The following GAS7 variants were observed in gnomAD, a reference collection of about 807,000 sequenced individuals.
GAS7 encodes the protein growth arrest specific 7.
A neutral mutation model predicts 71.1 loss-of-function variants in GAS7; 28 were observed. The ratio of observed to expected loss-of-function variants is 0.39; its 90% CI spans 0.29 to 0.54. GAS7 has a LOEUF of 0.54. Ranked by LOEUF, GAS7 falls within the 20% of genes least tolerant of loss-of-function variation. The probability of loss-of-function intolerance (pLI) is 0.62; values close to 1 mark genes in which losing one functional copy is unlikely to be tolerated. For synonymous variants in GAS7, 258 were observed against 245.8 expected (o/e 1.05, Z -0.46); for missense variants, 436 against 627.8 (o/e 0.69, Z 3.27).
At chr17:10,021,483 C>T (rs779858664) in intron 1 of GAS7, among the ~76,000 whole-genome samples, 19 of 152,364 alleles carry the variant, frequency 1.2e-4, no homozygotes, top group Non-Finnish European at 2.2e-4. Flanking sequence ...CTGCCCTCTG[C>T]GTAGCTGCGG....
Position 10,003,711 on chromosome 17 carries a change from G to A in GAS7, c.304+16066C>T, listed in dbSNP as rs188614590. Among the ~76,000 whole-genome samples the A allele has an allele frequency of 3.7e-4, 56 of 152,276 alleles. No individual in the cohort carries two copies. The East Asian group carries it at 8.5e-3, about 23-fold the overall frequency. On this transcript the variant is annotated intron_variant, in intron 2 of 13. Transcript: ENST00000432992. The stretch of plus-strand genomic sequence containing the variant: ...GTGCCTGCTACCTGCACAGCACGGC[G>A]CATCATCTGTCCAAGGATGACAAGA...
chr17:9,935,344 C>T (rs2068361745), intron 8 of GAS7, among the ~76,000 whole-genome samples: 1 of 152,196 alleles, frequency 6.6e-6, no homozygotes, highest in Non-Finnish European at 1.5e-5. Context: ...TCCTGAAGTC[C>T]CTAAGACTTG....
intron 1 of GAS7, among the ~76,000 whole-genome samples, chr17:10,045,025 A>G (rs1314896724): frequency 1.4e-5 from 2 of 142,762 alleles, no homozygotes; most frequent in African/African-American, 5.4e-5. Flanking sequence ...CGGGCGACAG[A>G]GCGAGACTCC....
chr17:10,166,426 C>T (rs1413560195), intron 1 of GAS7, among the ~76,000 whole-genome samples: 3 of 152,214 alleles, frequency 2.0e-5, no homozygotes, highest in Non-Finnish European at 4.4e-5. Flanking sequence ...TCAGAGTTTG[C>T]AAATACCAAG....
chr17:10,097,764 C>T (rs932305744), intron 1 of GAS7, among the ~76,000 whole-genome samples: 2 of 152,226 alleles, frequency 1.3e-5, no homozygotes, highest in South Asian at 4.2e-4. Context: ...ACACTGGGGG[C>T]CAGGCACGGT....
intron 1 of GAS7, among the ~76,000 whole-genome samples, chr17:10,140,564 C>T (rs1328999116): frequency 3.3e-5 from 5 of 152,212 alleles, no homozygotes; most frequent in East Asian, 1.9e-4. Flanking sequence ...GCTATATGCA[C>T]GTATGTCTAT....
chr17:10,185,641 A>C (rs375039919), intron 1 of GAS7, among the ~76,000 whole-genome samples: 1 of 152,208 alleles, frequency 6.6e-6, no homozygotes, highest in Non-Finnish European at 1.5e-5. Context: ...CAGCCGGTCA[A>C]TCAGAAATAT....
Position 10,026,134 on chromosome 17 carries a change from A to G in GAS7, c.184-6237T>C, listed in dbSNP as rs1006195522. 4.1e-6 allele frequency: 4 copies of G among 984,098 alleles called. No individual in the cohort carries two copies. The African/African-American group carries it at 7.0e-5, about 17-fold the overall frequency. 61.0% of individuals were successfully genotyped at this position (984,098 alleles called of 1,614,324 possible). On this transcript the variant is annotated intron_variant, in intron 1 of 13. Coordinates refer to ENST00000432992, the MANE Select transcript of GAS7 (RefSeq NM_201433.2). The surrounding 1 kb of genome is among the most constrained non-coding windows in gnomAD (Gnocchi z 4.5). ...CTCTCCCCCTCCGGAGGTTTCTGAG[A>G]ACACCTGACTCTTACCTTATCCTAA... is the stretch of plus-strand genomic sequence containing the variant.
At chr17:9,989,195 A>G (rs2070752934) in intron 2 of GAS7, among the ~76,000 whole-genome samples, 1 of 152,110 alleles carries the variant, frequency 6.6e-6, no homozygotes, top group Non-Finnish European at 1.5e-5. Flanking sequence ...TCTGGAACTC[A>G]GTCTGACAAC....
chr17:10,130,927 G>T (rs983165718), intron 1 of GAS7, among the ~76,000 whole-genome samples: 2 of 152,196 alleles, frequency 1.3e-5, no homozygotes, highest in East Asian at 3.8e-4. Flanking sequence ...TAAAATTGAT[G>T]ATGGTAATGA....
In GAS7 at chr17:10,122,155, G is replaced by A. The variant is rs183632376; in HGVS notation, c.183+76053C>T. ...TCGTACAGTGTGACCTGCATCTCCC[G>A]GGAGCACACTTTTATCTGTGCACAC... is the stretch of plus-strand genomic sequence containing the variant. On this transcript the variant is annotated intron_variant, in intron 1 of 13. Transcript: ENST00000432992. Among the ~76,000 whole-genome samples the A allele has an allele frequency of 7.9e-5, 12 of 152,194 alleles. No homozygotes were observed. In the East Asian group the frequency reaches 9.6e-4, roughly 12 times the overall value.
At chr17:9,979,082 A>T (rs756365915) in intron 3 of GAS7, among the ~76,000 whole-genome samples, 6 of 152,204 alleles carry the variant, frequency 3.9e-5, no homozygotes, top group Non-Finnish European at 8.8e-5. Flanking sequence ...CACCCAAAAG[A>T]GGGAGGAAAG....
chr17:10,061,447 C>A (rs988354905), intron 1 of GAS7: 1 of 152,268 alleles, frequency 6.6e-6, no homozygotes. Context: ...CTCTCCTCCC[C>A]ACCCATGACT....
chr17:9,951,624 C>T (rs1269427833), intron 5 of GAS7, among the ~76,000 whole-genome samples: 2 of 152,008 alleles, frequency 1.3e-5, no homozygotes, highest in Non-Finnish European at 2.9e-5. Context: ...GGCTTGGTGG[C>T]GCATGCCTAT....
chr17:10,094,955 A>G (rs1287188573), intron 1 of GAS7, among the ~76,000 whole-genome samples: 1 of 152,168 alleles, frequency 6.6e-6, no homozygotes, highest in African/African-American at 2.4e-5. Flanking sequence ...GTCATCCGCA[A>G]TATGATTTCC....
chr17:10,078,079 GTTT>G (rs35381836), intron 1 of GAS7, among the ~76,000 whole-genome samples: 19,168 of 133,796 alleles, frequency 0.14, 1,225 homozygotes, highest in East Asian at 0.2. Flanking sequence ...GTGTGTGTGT[GTTT>G]TGTTTTGTTT....
chr17:10,195,914 C>A (rs952551105), intron 1 of GAS7, among the ~76,000 whole-genome samples: 4 of 152,134 alleles, frequency 2.6e-5, no homozygotes, highest in Admixed American at 2.0e-4. Context: ...TCTGCTTTGG[C>A]CCTGAGAAGA....
intron 1 of GAS7, among the ~76,000 whole-genome samples, chr17:10,022,838 T>G (rs2072322019): frequency 6.6e-6 from 1 of 152,172 alleles, no homozygotes. Context: ...TTTCCAATAC[T>G]ACCCGACTTG....
intron 3 of GAS7, among the ~76,000 whole-genome samples, chr17:9,979,343 C>T (rs1430671693): frequency 6.6e-6 from 1 of 152,176 alleles, no homozygotes; most frequent in South Asian, 2.1e-4. Context: ...CTAGCCTTGG[C>T]CATGCGGGCA....
Sources: gnomAD v4.1 joint callset for allele counts (sites outside exome capture counted in the v4.1 genomes callset) on GRCh38, gnomAD v4.1.1 for gene constraint, Gnocchi (gnomAD v3.1) non-coding constraint, MANE v1.5 for transcripts, NCBI Gene and HGNC (gene_info 2026-07-23, HGNC 2026-07-21) for gene names.